NNMT: variants seen among roughly 807,000 people sequenced by gnomAD.
NNMT encodes the protein nicotinamide N-methyltransferase.
NNMT carries 10 observed loss-of-function variants against 11.7 expected under a neutral mutation model. The observed-to-expected ratio is 0.85, with a 90% confidence interval of 0.53 to 1.45. NNMT has a LOEUF of 1.45. Among genes scored for constraint, NNMT ranks in the 40% most tolerant of loss-of-function variants. NNMT has a pLI of 0.00. For synonymous variants in NNMT, 143 were observed against 133.8 expected (o/e 1.07, Z -0.48); for missense variants, 381 against 319.4 (o/e 1.19, Z -1.47).
chr11:114,278,560 A>G (rs1258217463), intron 2 of NNMT, among the ~76,000 whole-genome samples: 1 of 152,090 alleles, frequency 6.6e-6, no homozygotes, highest in Non-Finnish European at 1.5e-5. Flanking sequence ...CCAAGCAGGC[A>G]GAGAGTACCA....
At chr11:114,275,828 C>T (rs1945209382) in intron 2 of NNMT, among the ~76,000 whole-genome samples, 1 of 151,932 alleles carries the variant, frequency 6.6e-6, no homozygotes, top group Admixed American at 6.6e-5. Context: ...GGTAGGGTTA[C>T]AGTTAAGATT....
chr11:114,296,337 C>T (rs1338106025), upstream of NNMT: 1 of 522,184 alleles, frequency 1.9e-6, no homozygotes, highest in Non-Finnish European at 3.4e-6. Context: ...CCTAAGCTCC[C>T]TTCTCCGGGA....
At chr11:114,308,768 C>A (rs1945517364) in intron 2 of NNMT, among the ~76,000 whole-genome samples, 1 of 152,098 alleles carries the variant, frequency 6.6e-6, no homozygotes, top group South Asian at 2.1e-4. Context: ...CCCTGCGTTG[C>A]CCCGAGGTGT....
intron 1 of NNMT, among the ~76,000 whole-genome samples, chr11:114,259,969 C>A (rs942216213): frequency 3.9e-5 from 6 of 152,178 alleles, no homozygotes; most frequent in Admixed American, 3.9e-4. Context: ...GACTGAATCT[C>A]CAGGGCCAGA....
At chr11:114,294,695 T>G (rs191805084), upstream of NNMT, among the ~76,000 whole-genome samples, 1 of 151,736 alleles carries the variant, frequency 6.6e-6, no homozygotes, top group African/African-American at 2.4e-5. Context: ...TATCAGAATA[T>G]CTCATGTAAC....
At chr11:114,303,596 G>A (rs763474112) in intron 2 of NNMT, among the ~76,000 whole-genome samples, 11 of 152,148 alleles carry the variant, frequency 7.2e-5, no homozygotes, top group Admixed American at 2.6e-4. Context: ...ATACAGTGAC[G>A]TGTTTTCTAA....
At chr11:114,270,965 CAG>C in intron 2 of NNMT, among the ~76,000 whole-genome samples, 1 of 151,962 alleles carries the variant, frequency 6.6e-6, no homozygotes, top group Non-Finnish European at 1.5e-5. Flanking sequence ...TTAGCAGAGA[CAG>C]GGTTTCACCA....
At chr11:114,284,679 G>A (rs548801425) in intron 2 of NNMT, among the ~76,000 whole-genome samples, 1 of 150,928 alleles carries the variant, frequency 6.6e-6, no homozygotes, top group Non-Finnish European at 1.5e-5. Context: ...AGCCAGGATG[G>A]TCTCGATCTC....
At position 114,297,984 on chromosome 11, in the gene NNMT, G is replaced by A. The variant is rs773179778; in HGVS notation, c.188G>A (p.Gly63Asp). Residue 63 changes from glycine to aspartate, a missense_variant, in exon 2 of 3, where the codon GGC becomes GAC. Coordinates refer to ENST00000299964, the MANE Select transcript of NNMT (RefSeq NM_006169.3). ...GVKGDLLIDIGSGPTIYQLLS... is the reference protein window; with the variant it reads ...GVKGDLLIDIDSGPTIYQLLS... ...AAGGGAGACCTGCTGATTGACATCG[G>A]CTCTGGCCCCACTATCTATCAGCTC... The A allele has an allele frequency of 1.2e-6, 2 of 1,613,294 alleles. No homozygotes were observed. Among genetic ancestry groups the A allele is most frequent in the East Asian group, 2.2e-5 (1 of 44,860 alleles).
At chr11:114,280,951 C>T (rs563519141) in intron 2 of NNMT, among the ~76,000 whole-genome samples, 5 of 152,266 alleles carry the variant, frequency 3.3e-5, no homozygotes, top group Middle Eastern at 3.4e-3. Context: ...CCGCAGCCAG[C>T]GCAGAGTGCC....
At chr11:114,269,458 A>G (rs1293313810) in intron 2 of NNMT, 1 of 152,232 alleles carries the variant, frequency 6.6e-6, no homozygotes, top group Non-Finnish European at 1.5e-5. Flanking sequence ...TGTTTTCCAT[A>G]GAGTTCTTGT....
intron 2 of NNMT, among the ~76,000 whole-genome samples, chr11:114,263,805 T>G (rs1204998788): frequency 6.6e-6 from 1 of 152,238 alleles, no homozygotes; most frequent in Non-Finnish European, 1.5e-5. Flanking sequence ...AGACCTCTTG[T>G]TAGTTGAACT....
Position 114,298,106 on chromosome 11 carries a change from G to T in NNMT, c.310G>T (p.Ala104Ser). ...LEKWLKKEPE[A>S]FDWSPVVTYV... ...GAAGTGGCTGAAGAAAGAGCCAGAG[G>T]CCTTTGACTGGTCCCCAGTGGTGAC... The change falls in exon 2 of 3, where the codon GCC (alanine) becomes TCC (serine). Residue 104 changes from alanine to serine, a missense_variant. By Grantham distance (99) the Ala-to-Ser change is moderately conservative. Transcript: ENST00000299964. 6.2e-7 allele frequency: 1 copy of T among 1,614,166 alleles called. No individual in the cohort carries two copies. Among genetic ancestry groups the T allele is most frequent in the Non-Finnish European group, 8.5e-7 (1 of 1,180,026 alleles).
At chr11:114,276,807 T>C (rs1056727086) in intron 2 of NNMT, among the ~76,000 whole-genome samples, 27 of 152,196 alleles carry the variant, frequency 1.8e-4, no homozygotes, top group African/African-American at 5.1e-4. Context: ...CCCCATGAAA[T>C]GAGAAGAACA....
chr11:114,308,233 T>C (rs1359266335), intron 2 of NNMT, among the ~76,000 whole-genome samples: 1 of 152,214 alleles, frequency 6.6e-6, no homozygotes, highest in African/African-American at 2.4e-5. Context: ...TCCTTGCCCG[T>C]ACAATTCTCA....
chr11:114,290,508 G>C (rs1349976239), intron 2 of NNMT, among the ~76,000 whole-genome samples: 1 of 152,232 alleles, frequency 6.6e-6, no homozygotes, highest in African/African-American at 2.4e-5. Context: ...GAATGGGGAA[G>C]TGAGACAGGG....
intron 2 of NNMT, among the ~76,000 whole-genome samples, chr11:114,280,652 A>G (rs138857132): frequency 2.0e-5 from 3 of 152,160 alleles, no homozygotes; most frequent in Non-Finnish European, 4.4e-5. Context: ...AAGGCAGGTC[A>G]TCCTGCTGAA....
chr11:114,312,747 T>C lies in NNMT; in HGVS notation c.*270T>C. On this transcript the variant is annotated 3_prime_UTR_variant, in exon 3 of 3. Coordinates refer to ENST00000299964, the MANE Select transcript of NNMT (RefSeq NM_006169.3). ...CTTACAAAAGAAGACCTCACTTCCC[T>C]AAACATCTAGTTATGGCGGCTCAAG... 1 of 443,452 alleles carries C rather than the reference T, an allele frequency of 2.3e-6. No individual in the cohort carries two copies. Among genetic ancestry groups the C allele is most frequent in the Non-Finnish European group, 4.0e-6 (1 of 248,754 alleles). 27.5% of individuals were successfully genotyped at this position (443,452 alleles called of 1,614,324 possible). A position where few individuals can be genotyped will look rare whatever the true frequency, so the allele number is the denominator to read the frequency against.
chr11:114,270,217 G>A (rs1177481146), intron 2 of NNMT: 1 of 151,972 alleles, frequency 6.6e-6, no homozygotes, highest in Non-Finnish European at 1.5e-5. Flanking sequence ...TTGAAAAGAA[G>A]GTATATTTTC....
Sources: gnomAD v4.1 joint callset for allele counts (sites outside exome capture counted in the v4.1 genomes callset) on GRCh38, gnomAD v4.1.1 for gene constraint, MANE v1.5 for transcripts, NCBI Gene and HGNC (gene_info 2026-07-23, HGNC 2026-07-21) for gene names.